SFMBT2: variants seen among roughly 807,000 people sequenced by gnomAD.
SFMBT2 encodes the protein Scm like with four mbt domains 2.
Under a neutral mutation model 110.1 loss-of-function variants are expected in SFMBT2, and 38 were observed. The ratio of observed to expected loss-of-function variants is 0.35; its 90% CI spans 0.27 to 0.45. SFMBT2 has a LOEUF of 0.45. Among genes scored for constraint, SFMBT2 ranks in the 20% least tolerant of loss-of-function variants. SFMBT2 has a pLI of 1.00. For synonymous variants in SFMBT2, 425 were observed against 425.4 expected, an observed-to-expected ratio of 1.00 and a Z score of 0.01; for missense variants, 1,011 against 1,094.9, an observed-to-expected ratio of 0.92 and a Z score of 1.08.
intron 4 of SFMBT2, among the ~76,000 whole-genome samples, chr10:7,347,096 T>C (rs931050660): frequency 6.6e-6 from 1 of 152,162 alleles, no homozygotes; most frequent in African/African-American, 2.4e-5. Context: ...CCCTTCTTTG[T>C]TGTAGGAAAA....
At position 7,172,351 on chromosome 10, in the gene SFMBT2, G is replaced by A; in HGVS notation, c.2151+144C>T. ...GACACACTACATTTGTTTTCAGCAA[G>A]TAAGGAGGAGGGGGCTCTTCTTCAG... On this transcript the variant is annotated intron_variant, in intron 18 of 20. Coordinates refer to ENST00000397167, the MANE Select transcript of SFMBT2 (RefSeq NM_001387889.1). This position sits in a 1 kb window ranked among gnomAD's most constrained non-coding sequence, Gnocchi z 4.6. 2 of 1,488,064 alleles carry A rather than the reference G, an allele frequency of 1.3e-6. No homozygotes were observed. Among genetic ancestry groups the A allele is most frequent in the Non-Finnish European group, 1.8e-6 (2 of 1,121,638 alleles). The allele number at this position is 1,488,064 out of a possible 1,614,324, so 92.2% of individuals were successfully genotyped here. A position where few individuals can be genotyped will look rare whatever the true frequency, so the allele number is the denominator to read the frequency against.
intron 16 of SFMBT2, 47 bp downstream of exon 16, chr10:7,188,577 G>C: frequency 6.9e-7 from 1 of 1,441,246 alleles, no homozygotes; most frequent in Non-Finnish European, 9.7e-7. Context: ...AAGTAGCATG[G>C]GGAAGTATTA....
At chr10:7,389,844 C>A (rs146425076) in intron 1 of SFMBT2, among the ~76,000 whole-genome samples, 1 of 152,206 alleles carries the variant, frequency 6.6e-6, no homozygotes, top group East Asian at 1.9e-4. Context: ...TCAGATTATC[C>A]CTTTATGTTT....
chr10:7,368,006 AC>A (rs1844957867), intron 3 of SFMBT2, 117 bp from the exon 4 acceptor site: 2 of 1,399,674 alleles, frequency 1.4e-6, no homozygotes, highest in African/African-American at 2.9e-5. Flanking sequence ...TTGCTCTAAA[AC>A]AGGCATGTAT....
intron 2 of SFMBT2, among the ~76,000 whole-genome samples, chr10:7,372,279 T>C (rs890601697): frequency 6.6e-6 from 1 of 152,160 alleles, no homozygotes; most frequent in African/African-American, 2.4e-5. Flanking sequence ...TTGTGTACTC[T>C]CAGAAATTGA....
At position 7,311,836 on chromosome 10, in the gene SFMBT2, T is replaced by G. The variant is rs181899948; in HGVS notation, c.437-25882A>C. ...TGAAGTGCCGGAGTTAGTGGGCAGT[T>G]GAAGAAAGGCCCGGGCAACAATTCC... On this transcript the variant is annotated intron_variant, in intron 4 of 20. Transcript: ENST00000397167. Among the ~76,000 whole-genome samples the G allele has an allele frequency of 5.9e-5, 9 of 152,320 alleles. No homozygotes were observed. In the East Asian group the frequency reaches 1.7e-3, roughly 29 times the overall value.
chr10:7,342,952 G>C (rs1030820341), intron 4 of SFMBT2, among the ~76,000 whole-genome samples: 2 of 152,198 alleles, frequency 1.3e-5, no homozygotes, highest in Non-Finnish European at 1.5e-5. Context: ...CAGGGTGTCA[G>C]AGTAATTTGA....
chr10:7,188,739 G>A lies in SFMBT2; in HGVS notation c.1699-6C>T. 6.2e-7 allele frequency: 1 copy of A among 1,604,350 alleles called. No homozygotes were observed. The highest frequency in any genetic ancestry group is 8.5e-7 in the Non-Finnish European group (1 of 1,175,332). ...TTGATTATCATGCTAAGAACCTTTTGGGGAAAAAAATAAGCAGACTGAGCT... is the reference window on the plus strand; with the variant it reads ...TTGATTATCATGCTAAGAACCTTTTAGGGAAAAAAATAAGCAGACTGAGCT... On this transcript the variant is annotated splice_region_variant and splice_polypyrimidine_tract_variant and intron_variant, in intron 15 of 20. Transcript: ENST00000397167.
chr10:7,327,392 C>T (rs139320305), intron 4 of SFMBT2, among the ~76,000 whole-genome samples: 8 of 152,202 alleles, frequency 5.3e-5, no homozygotes, highest in East Asian at 1.9e-4. Context: ...CCTCAACCCC[C>T]GGGGCAACTA....
chr10:7,395,003 C>A (rs901692797), intron 1 of SFMBT2, among the ~76,000 whole-genome samples: 5 of 152,142 alleles, frequency 3.3e-5, no homozygotes, highest in African/African-American at 1.2e-4. Flanking sequence ...TTCTATTTCA[C>A]CACTAGTGTA....
At chr10:7,169,021 G>C (rs1837786285) in intron 20 of SFMBT2, among the ~76,000 whole-genome samples, 1 of 152,172 alleles carries the variant, frequency 6.6e-6, no homozygotes, top group Non-Finnish European at 1.5e-5. Flanking sequence ...GGAGTGCAGT[G>C]ACACGATCTC....
At chr10:7,366,936 C>A (rs1286246967) in intron 4 of SFMBT2, among the ~76,000 whole-genome samples, 1 of 152,146 alleles carries the variant, frequency 6.6e-6, no homozygotes, top group East Asian at 1.9e-4. Flanking sequence ...TGCCAGGTGT[C>A]CCCTGGGGGG....
At chr10:7,331,017 C>A (rs199830457) in intron 4 of SFMBT2, among the ~76,000 whole-genome samples, 7 of 152,218 alleles carry the variant, frequency 4.6e-5, no homozygotes, top group East Asian at 1.9e-4. Context: ...TCTGTCCCTC[C>A]CTCAATGCCT....
At chr10:7,291,495 T>G (rs1161499214) in intron 4 of SFMBT2, among the ~76,000 whole-genome samples, 1 of 152,192 alleles carries the variant, frequency 6.6e-6, no homozygotes, top group Non-Finnish European at 1.5e-5. Flanking sequence ...CATTACGGAA[T>G]AGGGTTCTCC....
chr10:7,410,422 G>T (rs1052538413), intron 1 of SFMBT2, among the ~76,000 whole-genome samples: 1 of 152,240 alleles, frequency 6.6e-6, no homozygotes, highest in East Asian at 1.9e-4. Context: ...GGTAGCAGCG[G>T]CGGCTGCGTC....
intron 2 of SFMBT2, among the ~76,000 whole-genome samples, chr10:7,376,909 C>A (rs1193130124): frequency 2.7e-5 from 4 of 149,596 alleles, no homozygotes; most frequent in Admixed American, 2.0e-4. Context: ...TGGTGGCTCA[C>A]GCCTGTAATC....
chr10:7,377,592 A>T, intron 2 of SFMBT2, among the ~76,000 whole-genome samples: 1 of 152,174 alleles, frequency 6.6e-6, no homozygotes, highest in Non-Finnish European at 1.5e-5. Flanking sequence ...GTGACAGATC[A>T]TCAGGCATTA....
rs953729821 is a variant in SFMBT2, at chr10:7,408,494, C to T, written c.-52+2367G>A. ...TCTTTGTAACCCTATCATTTAAAAA[C>T]GCTTCCAGGCACCTGGCCGCTGCCA... On this transcript the variant is annotated intron_variant, in intron 1 of 20. Transcript: ENST00000397167. The surrounding 1 kb of genome is among the most constrained non-coding windows in gnomAD (Gnocchi z 5.7). Among the ~76,000 whole-genome samples the T allele has an allele frequency of 6.6e-6, 1 of 152,240 alleles. No homozygotes were observed. The highest frequency in any genetic ancestry group is 1.5e-5 in the Non-Finnish European group (1 of 68,034).
intron 4 of SFMBT2, chr10:7,329,514 T>G (rs1843502094): frequency 1.0e-6 from 1 of 984,262 alleles, no homozygotes; most frequent in South Asian, 4.7e-5. Flanking sequence ...AGAGAGGAGG[T>G]GCTGCTGCTG....
Sources: allele counts gnomAD v4.1 joint callset (sites outside exome capture counted in the v4.1 genomes callset), GRCh38; gene constraint gnomAD v4.1.1; non-coding constraint Gnocchi (gnomAD v3.1); transcripts MANE v1.5; gene names NCBI Gene and HGNC (gene_info 2026-07-23, HGNC 2026-07-21).